The following LRPPRC variants were observed in gnomAD, a reference collection of about 807,000 sequenced individuals.
LRPPRC encodes the protein leucine-rich PPR motif-containing protein, mitochondrial.
In LRPPRC, 120 loss-of-function variants were observed where a neutral mutation model predicts 180.3. The observed-to-expected ratio is 0.67, with a 90% CI of 0.57 to 0.77. The LOEUF (loss-of-function observed/expected upper bound fraction) is 0.77, where lower values mean the gene tolerates loss of function less well. LRPPRC is among the 30% of genes least tolerant of loss of function. LRPPRC has a pLI of 0.00. For missense variants in LRPPRC, 2,012 were observed against 1,657.2 expected (o/e 1.21, Z -3.72); for synonymous variants, 723 against 600.0 (o/e 1.21, Z -3.00).
Position 43,957,367 on chromosome 2 carries a change from T to C in LRPPRC, c.1649+18A>G. On this transcript the variant is annotated intron_variant, in intron 14 of 37. Transcript: ENST00000260665. Reference sequence around the variant, plus strand: ...CAGTCCATGTTCAGGCAAGGAACATTTAAGTTGATCATCTTACCTCCTGAA... The same window carrying C: ...CAGTCCATGTTCAGGCAAGGAACATCTAAGTTGATCATCTTACCTCCTGAA... 6.3e-7 allele frequency: 1 copy of C among 1,583,752 alleles called. No homozygotes were observed. Among genetic ancestry groups the C allele is most frequent in the Non-Finnish European group, 8.7e-7 (1 of 1,152,378 alleles).
chr2:43,949,662 G>T lies in LRPPRC; in HGVS notation c.1678-3C>A, dbSNP rs779250352. 6.8e-6 allele frequency: 11 copies of T among 1,610,696 alleles called. No homozygotes were observed. The South Asian group carries it at 1.1e-4, about 16-fold the overall frequency. ...TCCTTGTACAACAATTCTGTTATCT[G>T]GTAAGACAGAAAATTCGTGCATTGC... On this transcript the variant is annotated splice_polypyrimidine_tract_variant and splice_region_variant and intron_variant, in intron 15 of 37. Transcript: ENST00000260665.
intron 11 of LRPPRC, 74 bp from the exon 12 acceptor site, chr2:43,963,780 C>A: frequency 1.2e-6 from 1 of 852,964 alleles, no homozygotes; most frequent in South Asian, 1.3e-5. Flanking sequence ...AAGTTCAGTT[C>A]AATTATTTTC....
At chr2:43,945,954 ATT>A (rs1672665618) in intron 21 of LRPPRC, among the ~76,000 whole-genome samples, 157 bp downstream of exon 21, 3 of 152,080 alleles carry the variant, frequency 2.0e-5, no homozygotes, top group African/African-American at 7.2e-5. Flanking sequence ...GCCACAATTA[ATT>A]AAAGAGCCGT....
At chr2:43,905,597 C>G (rs1671041722) in intron 31 of LRPPRC, 95 bp downstream of exon 31, 2 of 887,456 alleles carry the variant, frequency 2.3e-6, no homozygotes, top group East Asian at 2.4e-5. Flanking sequence ...AGGTAATTTG[C>G]TAAATGGACT....
intron 14 of LRPPRC, 118 bp downstream of exon 14, chr2:43,957,267 T>C (rs1423638061): frequency 1.5e-5 from 12 of 781,362 alleles, no homozygotes; most frequent in Admixed American, 1.9e-5. Context: ...TTATTTCAGG[T>C]AAACTGAATG....
rs1250809911 is a variant in LRPPRC at position 43,934,231 on chromosome 2, G to C, written c.2695C>G (p.Leu899Val). ...VMLYDLFFAF[L>V]QTGNYKEAKK... The stretch of plus-strand genomic sequence containing the variant: ...GCCTCTTTGTAATTTCCTGTTTGTA[G>C]GAAGGCAAAGAAGAGATCATAGAGC... The change falls in exon 25 of 38, where the codon CTA (leucine) becomes GTA (valine). Residue 899 changes from leucine to valine, a missense_variant. Physicochemically the swap from Leu to Val is conservative, Grantham distance 32. Coordinates refer to ENST00000260665, the MANE Select transcript of LRPPRC (RefSeq NM_133259.4). The C allele has an allele frequency of 1.9e-6, 3 of 1,611,850 alleles. No homozygotes were observed. Among genetic ancestry groups the C allele is most frequent in the Non-Finnish European group, 2.5e-6 (3 of 1,178,546 alleles).
intron 12 of LRPPRC, among the ~76,000 whole-genome samples, chr2:43,962,567 G>A (rs879750712): frequency 6.6e-6 from 1 of 152,090 alleles, no homozygotes; most frequent in Non-Finnish European, 1.5e-5. Flanking sequence ...TATATTCAGC[G>A]CTAAGCATGC....
intron 36 of LRPPRC, chr2:43,892,684 C>T (rs571481788): frequency 1.3e-5 from 2 of 152,194 alleles, no homozygotes; most frequent in South Asian, 4.2e-4. Flanking sequence ...AGTCTTAACA[C>T]ATTTTGGGCT....
Position 43,887,246 on chromosome 2 carries a change from C to A in LRPPRC, c.*1354G>T, listed in dbSNP as rs1415763211. The A allele has an allele frequency of 6.6e-6, 1 of 151,792 alleles. No individual in the cohort carries two copies. The highest frequency in any genetic ancestry group is 2.4e-5 in the African/African-American group (1 of 41,350). The allele number at this position is 151,792 out of a possible 1,614,324, so 9.4% of individuals were successfully genotyped here. ...GGAAAGCCGCACTATGTCCACTGGGCCAAGACTCAACGTTGGCCATGCCCC... is the reference window on the plus strand; with the variant it reads ...GGAAAGCCGCACTATGTCCACTGGGACAAGACTCAACGTTGGCCATGCCCC... On this transcript the variant is annotated 3_prime_UTR_variant, in exon 38 of 38. Transcript: ENST00000260665.
At chr2:43,912,324 G>A (rs1671291510) in intron 30 of LRPPRC, 108 bp downstream of exon 30, 1 of 967,160 alleles carries the variant, frequency 1.0e-6, no homozygotes, top group Non-Finnish European at 1.6e-6. Context: ...GGTAGCTGAG[G>A]CCAATCAAGC....
At chr2:43,927,154 A>G (rs931008762) in intron 25 of LRPPRC, among the ~76,000 whole-genome samples, 1 of 152,254 alleles carries the variant, frequency 6.6e-6, no homozygotes, top group African/African-American at 2.4e-5. Context: ...CATTATGGTA[A>G]GAAAACTACA....
At chr2:43,941,498 A>G (rs1672479899) in intron 23 of LRPPRC, among the ~76,000 whole-genome samples, 1 of 152,164 alleles carries the variant, frequency 6.6e-6, no homozygotes, top group African/African-American at 2.4e-5. Context: ...CAATTACATG[A>G]TATTACTGAA....
chr2:43,961,161 C>A (rs1489422650), intron 12 of LRPPRC, among the ~76,000 whole-genome samples: 2 of 151,916 alleles, frequency 1.3e-5, no homozygotes, highest in African/African-American at 4.8e-5. Flanking sequence ...CATACCCATA[C>A]AATGAAACAG....
rs1385832859 is a variant in LRPPRC at position 43,886,828 on chromosome 2, T to A, written c.*1772A>T. 1 of 152,190 alleles carries A rather than the reference T, an allele frequency of 6.6e-6. No homozygotes were observed. Among genetic ancestry groups the A allele is most frequent in the Admixed American group, 6.5e-5 (1 of 15,282 alleles). The allele number at this position is 152,190 out of a possible 1,614,324, so 9.4% of individuals were successfully genotyped here. ...TGCAAAAAAATGAGGCCTGCTTCAGTGCAATCACTAAAGACAGGAGTGAGG... is the reference window on the plus strand; with the variant it reads ...TGCAAAAAAATGAGGCCTGCTTCAGAGCAATCACTAAAGACAGGAGTGAGG... On this transcript the variant is annotated 3_prime_UTR_variant, in exon 38 of 38. Coordinates refer to ENST00000260665, the MANE Select transcript of LRPPRC (RefSeq NM_133259.4).
chr2:43,933,406 G>C (rs17031766), intron 25 of LRPPRC, among the ~76,000 whole-genome samples: 30,690 of 152,048 alleles, frequency 0.2, 3,856 homozygotes, highest in African/African-American at 0.35. Flanking sequence ...GACCAAAAGC[G>C]AAGTATAATC....
chr2:43,995,824 C>A lies in LRPPRC; in HGVS notation c.124G>T (p.Ala42Ser), dbSNP rs752575254. The change falls in exon 1 of 38, where the codon GCC becomes TCC. Residue 42 changes from alanine to serine, a missense_variant. Physicochemically the swap from Ala to Ser is moderately conservative, Grantham distance 99. Transcript: ENST00000260665. The part of the protein sequence containing the change: ...GRLHAASYLP[A>S]ARAGPVAGGL... ...CCGGCCACGGGCCCGGCGCGAGCGGCGGGCAGATAGGAGGCGGCATGCAGC... is the reference window on the plus strand; with the variant it reads ...CCGGCCACGGGCCCGGCGCGAGCGGAGGGCAGATAGGAGGCGGCATGCAGC... The A allele has an allele frequency of 9.2e-6, 13 of 1,414,696 alleles. No individual in the cohort carries two copies. The South Asian group carries it at 1.7e-4, about 18-fold the overall frequency. The allele number at this position is 1,414,696 out of a possible 1,614,324, so 87.6% of individuals were successfully genotyped here.
At chr2:43,925,193 G>C in intron 26 of LRPPRC, 36 bp from the exon 27 acceptor site, 1 of 1,012,046 alleles carries the variant, frequency 9.9e-7, no homozygotes, top group Non-Finnish European at 1.6e-6. Flanking sequence ...TCTACCTTGT[G>C]TAAAGGATGT....
At chr2:43,976,366 A>C in intron 5 of LRPPRC, 137 bp from the exon 6 acceptor site, 1 of 651,792 alleles carries the variant, frequency 1.5e-6, no homozygotes, top group South Asian at 1.8e-5. Flanking sequence ...AACCACAAAG[A>C]AAGAACTAAT....
chr2:43,934,145 A>C (rs745486464), intron 25 of LRPPRC, 45 bp downstream of exon 25: 1 of 1,039,150 alleles, frequency 9.6e-7, no homozygotes, highest in Non-Finnish European at 1.5e-6. Flanking sequence ...TCTAATTAAG[A>C]GTCTAAATAG....
Sources: gnomAD v4.1 joint callset for allele counts (sites outside exome capture counted in the v4.1 genomes callset) on GRCh38, gnomAD v4.1.1 for gene constraint, MANE v1.5 for transcripts, NCBI Gene and HGNC (gene_info 2026-07-23, HGNC 2026-07-21) for gene names.